The following METTL24 variants were observed in gnomAD, a reference collection of about 807,000 sequenced individuals.
METTL24 encodes the protein probable methyltransferase-like protein 24.
Under a neutral mutation model 32.7 loss-of-function variants are expected in METTL24, and 29 were observed. That is an observed-to-expected ratio of 0.89 (90% CI 0.66 to 1.21). The LOEUF (loss-of-function observed/expected upper bound fraction) is 1.21, where lower values mean the gene tolerates loss of function less well. Ranked by LOEUF, METTL24 falls within the 50% of genes most tolerant of loss-of-function variation. The probability of loss-of-function intolerance (pLI) is 0.00; values close to 1 mark genes in which losing one functional copy is unlikely to be tolerated. For missense variants in METTL24, 439 were observed against 468.1 expected (o/e 0.94, Z 0.57); for synonymous variants, 163 against 179.5 (o/e 0.91, Z 0.73).
chr6:110,265,377 C>T (rs901634600), intron 4 of METTL24, among the ~76,000 whole-genome samples: 3 of 152,052 alleles, frequency 2.0e-5, no homozygotes, highest in East Asian at 1.9e-4. Context: ...CAATACATAC[C>T]GTGGTTTAAA....
rs754833700 is a variant in METTL24 at position 110,285,483 on chromosome 6, A to G, written c.786+13439T>C. On this transcript the variant is annotated intron_variant, in intron 4 of 4. Coordinates refer to ENST00000338882, the MANE Select transcript of METTL24 (RefSeq NM_001123364.3). ...GGGTGTGTCTGTTATGCTTGGGTAC[A>G]TATGAAACTGGCACTGCTGAGCTCC... Among the ~76,000 whole-genome samples, 42 of 152,268 alleles carry G rather than the reference A, an allele frequency of 2.8e-4. 1 individual carries two copies. Among genetic ancestry groups the G allele is most frequent in the Non-Finnish European group, 5.4e-4 (37 of 68,010 alleles).
chr6:110,269,651 T>C (rs1770919000), intron 4 of METTL24, among the ~76,000 whole-genome samples: 1 of 152,172 alleles, frequency 6.6e-6, no homozygotes. Context: ...TTTTTGTTTG[T>C]TTGTTTGTTT....
intron 1 of METTL24, among the ~76,000 whole-genome samples, chr6:110,337,570 A>C (rs1308317155): frequency 6.6e-6 from 1 of 152,216 alleles, no homozygotes; most frequent in Non-Finnish European, 1.5e-5. Flanking sequence ...AGATTCTTGG[A>C]TAGGGAAAGA....
intron 2 of METTL24, among the ~76,000 whole-genome samples, chr6:110,318,713 T>A (rs1771874972): frequency 6.6e-6 from 1 of 151,734 alleles, no homozygotes; most frequent in Admixed American, 6.6e-5. Flanking sequence ...CAAAAATTAT[T>A]CAATTTTAAC....
At chr6:110,256,247 A>G (rs1158681748) in intron 4 of METTL24, among the ~76,000 whole-genome samples, 1 of 152,166 alleles carries the variant, frequency 6.6e-6, no homozygotes, top group African/African-American at 2.4e-5. Context: ...TTTACCACTG[A>G]GCCTAGCTTC....
At chr6:110,329,190 T>A (rs932365379) in intron 1 of METTL24, among the ~76,000 whole-genome samples, 1 of 152,184 alleles carries the variant, frequency 6.6e-6, no homozygotes, top group African/African-American at 2.4e-5. Context: ...CCCAGTGAGC[T>A]CCTGAAGGGT....
At chr6:110,315,608 A>G (rs1771805648) in intron 2 of METTL24, 127 bp from the exon 3 acceptor site, 2 of 932,748 alleles carry the variant, frequency 2.1e-6, no homozygotes, top group Non-Finnish European at 3.2e-6. Context: ...ACTGCTAACA[A>G]CTCCCCTCCC....
At chr6:110,302,028 C>A (rs565263822) in intron 3 of METTL24, among the ~76,000 whole-genome samples, 1 of 152,236 alleles carries the variant, frequency 6.6e-6, no homozygotes, top group South Asian at 2.1e-4. Flanking sequence ...GTAATCCCAG[C>A]ACTTTAGGAG....
chr6:110,339,127 A>G (rs1772297915), intron 1 of METTL24, among the ~76,000 whole-genome samples: 1 of 152,206 alleles, frequency 6.6e-6, no homozygotes. Context: ...AAGTAGCTTC[A>G]GTGTACCTTA....
At chr6:110,351,572 G>A (rs1582448466) in intron 1 of METTL24, among the ~76,000 whole-genome samples, 1 of 152,124 alleles carries the variant, frequency 6.6e-6, no homozygotes, top group Non-Finnish European at 1.5e-5. Flanking sequence ...AATAAAATAT[G>A]AGAAAAACAA....
chr6:110,332,487 G>A (rs1772125913), intron 1 of METTL24: 1 of 983,276 alleles, frequency 1.0e-6, no homozygotes, highest in Non-Finnish European at 1.2e-6. Context: ...TTTTCATGAG[G>A]TGGAAACTAC....
At chr6:110,255,574 C>T (rs564227016) in intron 4 of METTL24, among the ~76,000 whole-genome samples, 7 of 152,264 alleles carry the variant, frequency 4.6e-5, no homozygotes, top group Non-Finnish European at 8.8e-5. Flanking sequence ...ACGGACAGCT[C>T]CCGGCAGCTG....
chr6:110,295,790 AAAGAAAGGAAGGAAGGAAGG>A (rs1562228485), intron 4 of METTL24, among the ~76,000 whole-genome samples: 1 of 94,414 alleles, frequency 1.1e-5, no homozygotes, highest in African/African-American at 6.9e-5. Flanking sequence ...GAAAAGAAAG[AAAGAAAGGAAGGAAGGAAGG>A]AAGGAAGGAA....
At chr6:110,246,334 C>T in intron 4 of METTL24, 74 bp from the exon 5 acceptor site, 1 of 1,325,348 alleles carries the variant, frequency 7.5e-7, no homozygotes. Context: ...CACATTATAG[C>T]TACCTCTGAA....
At chr6:110,293,687 A>G (rs1771360526) in intron 4 of METTL24, among the ~76,000 whole-genome samples, 1 of 152,040 alleles carries the variant, frequency 6.6e-6, no homozygotes, top group African/African-American at 2.4e-5. Context: ...ATTCTTAAAA[A>G]TGACAAAATT....
At chr6:110,283,562 AC>A (rs1213791750) in intron 4 of METTL24, among the ~76,000 whole-genome samples, 1 of 152,094 alleles carries the variant, frequency 6.6e-6, no homozygotes, top group Non-Finnish European at 1.5e-5. Flanking sequence ...CCCACTCAAC[AC>A]TTACCAAGCC....
chr6:110,247,702 G>C (rs1407435760), intron 4 of METTL24, among the ~76,000 whole-genome samples: 1 of 152,180 alleles, frequency 6.6e-6, no homozygotes, highest in Non-Finnish European at 1.5e-5. Context: ...CTGAAGTCAT[G>C]AATATCCTGC....
intron 4 of METTL24, among the ~76,000 whole-genome samples, chr6:110,298,689 G>C (rs2114731531): frequency 6.6e-6 from 1 of 152,260 alleles, no homozygotes; most frequent in South Asian, 2.1e-4. Flanking sequence ...TCTTGGACAA[G>C]ACCATTAACA....
At chr6:110,302,399 C>G (rs1414518256) in intron 3 of METTL24, among the ~76,000 whole-genome samples, 1 of 149,948 alleles carries the variant, frequency 6.7e-6, no homozygotes, top group Non-Finnish European at 1.5e-5. Flanking sequence ...TTTCAAGGAA[C>G]AATATTGAGG....
Sources: allele counts gnomAD v4.1 joint callset (sites outside exome capture counted in the v4.1 genomes callset), GRCh38; gene constraint gnomAD v4.1.1; transcripts MANE v1.5; gene names NCBI Gene and HGNC (gene_info 2026-07-23, HGNC 2026-07-21).